ADAMTSL1: variants seen among roughly 807,000 people sequenced by gnomAD.
ADAMTSL1 encodes the protein ADAMTS like 1, also known as ADAMTS-like protein 1.
ADAMTSL1 carries 126 observed loss-of-function variants against 201.8 expected under a neutral mutation model. The ratio of observed to expected loss-of-function variants is 0.62; its 90% CI spans 0.54 to 0.72. ADAMTSL1 has a LOEUF of 0.72. Among genes scored for constraint, ADAMTSL1 ranks in the 30% least tolerant of loss-of-function variants. The probability of loss-of-function intolerance (pLI) is 0.00; values close to 1 mark genes in which losing one functional copy is unlikely to be tolerated. For synonymous variants in ADAMTSL1, 1,121 were observed against 903.4 expected, an observed-to-expected ratio of 1.24 and a Z score of -4.32; for missense variants, 2,679 against 2,277.8, an observed-to-expected ratio of 1.18 and a Z score of -3.59.
chr9:18,163,039 A>T (rs1055285039), intron 1 of ADAMTSL1, among the ~76,000 whole-genome samples: 8 of 152,000 alleles, frequency 5.3e-5, no homozygotes, highest in Non-Finnish European at 7.4e-5. Flanking sequence ...AGGCAGGAGG[A>T]GGCCTGGGTG....
At chr9:17,994,594 T>C (rs983031683) in intron 1 of ADAMTSL1, among the ~76,000 whole-genome samples, 1 of 152,206 alleles carries the variant, frequency 6.6e-6, no homozygotes, top group Non-Finnish European at 1.5e-5. Flanking sequence ...CAAATATTAA[T>C]TTCTAGCACT....
intron 14 of ADAMTSL1, among the ~76,000 whole-genome samples, chr9:18,712,308 G>T (rs1318147893): frequency 6.6e-6 from 1 of 152,092 alleles, no homozygotes; most frequent in Non-Finnish European, 1.5e-5. Context: ...CCGAGCTATG[G>T]GAGGACATTC....
intron 1 of ADAMTSL1, among the ~76,000 whole-genome samples, chr9:18,138,464 T>G (rs1037804002): frequency 6.6e-6 from 1 of 152,172 alleles, no homozygotes; most frequent in African/African-American, 2.4e-5. Flanking sequence ...CCTGCAAATT[T>G]GCTGAATTTT....
At chr9:18,287,070 A>G (rs1214485077) in intron 2 of ADAMTSL1, among the ~76,000 whole-genome samples, 2 of 152,160 alleles carry the variant, frequency 1.3e-5, no homozygotes, top group African/African-American at 4.8e-5. Flanking sequence ...TTCTTCTGTT[A>G]TATGTCTGCC....
At chr9:18,408,359 G>A (rs769992946) in intron 2 of ADAMTSL1, among the ~76,000 whole-genome samples, 5 of 151,952 alleles carry the variant, frequency 3.3e-5, no homozygotes, top group Non-Finnish European at 7.4e-5. Flanking sequence ...TAATCCCAGC[G>A]ACTTGGGAGG....
intron 2 of ADAMTSL1, among the ~76,000 whole-genome samples, chr9:18,267,260 A>G (rs187276403): frequency 5.9e-5 from 9 of 152,240 alleles, no homozygotes; most frequent in African/African-American, 2.2e-4. Context: ...TCAGTCATGC[A>G]ACGATTTCTT....
intron 2 of ADAMTSL1, among the ~76,000 whole-genome samples, chr9:18,454,052 G>A (rs1244152814): frequency 6.6e-6 from 1 of 152,190 alleles, no homozygotes; most frequent in Non-Finnish European, 1.5e-5. Flanking sequence ...GGCATATTAG[G>A]GGAATTGGCT....
At chr9:18,353,977 T>C (rs1254211728) in intron 2 of ADAMTSL1, among the ~76,000 whole-genome samples, 1 of 151,436 alleles carries the variant, frequency 6.6e-6, no homozygotes, top group African/African-American at 2.4e-5. Flanking sequence ...CCATTTTATA[T>C]CTTTCCAGAG....
intron 9 of ADAMTSL1, among the ~76,000 whole-genome samples, chr9:18,664,352 C>G (rs772512308): frequency 5.9e-5 from 9 of 152,010 alleles, no homozygotes; most frequent in Non-Finnish European, 1.2e-4. Flanking sequence ...GCTCTTCCAT[C>G]AGACAGTGCA....
rs186949100 is a variant in ADAMTSL1, at chr9:18,621,762, C to A, written c.475-481C>A. Among the ~76,000 whole-genome samples, 9 of 152,292 alleles carry A rather than the reference C, an allele frequency of 5.9e-5. No individual in the cohort carries two copies. The East Asian group carries it at 1.2e-3, about 20-fold the overall frequency. On this transcript the variant is annotated intron_variant, in intron 4 of 28. Coordinates refer to ENST00000380548, the MANE Select transcript of ADAMTSL1 (RefSeq NM_001040272.6). ...GGAATACATTAATTAACCCAATATA[C>A]AAATCGCCCACCCTTACGCAGCATA... is the stretch of plus-strand genomic sequence containing the variant.
chr9:18,872,266 T>C (rs889337830), intron 23 of ADAMTSL1, among the ~76,000 whole-genome samples: 2 of 152,202 alleles, frequency 1.3e-5, no homozygotes, highest in African/African-American at 4.8e-5. Context: ...TAGCAACTGC[T>C]GAAAGCAGCT....
Position 18,460,097 on chromosome 9 carries a change from C to G in ADAMTSL1, c.208-44732C>G, listed in dbSNP as rs1587277584. Among the ~76,000 whole-genome samples, 4 of 152,252 alleles carry G rather than the reference C, an allele frequency of 2.6e-5. No homozygotes were observed. The East Asian group carries it at 7.7e-4, about 29-fold the overall frequency. ...AGAAAAAGTGGGAAAACTGTTGGCA[C>G]TCTCATTGCAGAAGTGCATTGTTTT... is the stretch of plus-strand genomic sequence containing the variant. On this transcript the variant is annotated intron_variant, in intron 2 of 29. Coordinates refer to the ADAMTSL1 transcript ENST00000680146.
intron 14 of ADAMTSL1, among the ~76,000 whole-genome samples, chr9:18,707,964 C>G (rs1192258745): frequency 6.6e-6 from 1 of 152,190 alleles, no homozygotes; most frequent in African/African-American, 2.4e-5. Flanking sequence ...CATATTGACA[C>G]CATCTCCTAT....
chr9:18,110,462 T>C (rs1284960400), intron 1 of ADAMTSL1, among the ~76,000 whole-genome samples: 1 of 152,160 alleles, frequency 6.6e-6, no homozygotes. Flanking sequence ...ATTCAAGGGA[T>C]AAAGCCCTAA....
At chr9:18,562,604 A>G (rs781585767) in intron 3 of ADAMTSL1, among the ~76,000 whole-genome samples, 3 of 152,308 alleles carry the variant, frequency 2.0e-5, no homozygotes, top group Middle Eastern at 3.4e-3. Context: ...AATATCTGGA[A>G]GAGTGTTTTC....
chr9:18,615,826 G>A (rs1005760971), intron 4 of ADAMTSL1, among the ~76,000 whole-genome samples: 1 of 152,058 alleles, frequency 6.6e-6, no homozygotes, highest in Non-Finnish European at 1.5e-5. Context: ...GTGTCTTTAC[G>A]AATCTGGAGC....
rs966795450 is a variant in ADAMTSL1, at chr9:18,284,985, C to T, written c.207+121004C>T. On this transcript the variant is annotated intron_variant, in intron 2 of 29. Coordinates refer to the ADAMTSL1 transcript ENST00000680146. ...GTCACTTTCAATGTTTTTCTATGTT[C>T]AAACAATCATTCAAGGAACATCTTT... Among the ~76,000 whole-genome samples the T allele has an allele frequency of 1.1e-4, 16 of 152,064 alleles. No homozygotes were observed. In the East Asian group the frequency reaches 3.1e-3, roughly 29 times the overall value.
chr9:18,677,955 C>G (rs977140913), intron 10 of ADAMTSL1, among the ~76,000 whole-genome samples: 2 of 151,984 alleles, frequency 1.3e-5, no homozygotes, highest in Non-Finnish European at 2.9e-5. Context: ...AAATGGTTCT[C>G]AAATGGCAGC....
chr9:18,591,493 A>G (rs1823911439), intron 4 of ADAMTSL1, among the ~76,000 whole-genome samples: 1 of 152,104 alleles, frequency 6.6e-6, no homozygotes, highest in Admixed American at 6.6e-5. Flanking sequence ...CTTTTAATTG[A>G]AGAATTTAGC....
Sources: allele counts gnomAD v4.1 joint callset (sites outside exome capture counted in the v4.1 genomes callset), GRCh38; gene constraint gnomAD v4.1.1; transcripts MANE v1.5; gene names NCBI Gene and HGNC (gene_info 2026-07-23, HGNC 2026-07-21).